CLCN4: variants seen among roughly 807,000 people sequenced by gnomAD.
CLCN4 encodes Cl-/H+ antiporter 4, also known as H(+)/Cl(-) exchange transporter 4.
A neutral mutation model predicts 41.7 loss-of-function variants in CLCN4; 1 was observed. The ratio of observed to expected loss-of-function variants is 0.02; its 90% CI spans 0.01 to 0.11. CLCN4 has a LOEUF of 0.11. Among genes scored for constraint, CLCN4 ranks in the 10% least tolerant of loss-of-function variants. The pLI, the probability that CLCN4 is intolerant of heterozygous loss-of-function variation, is 1.00. For missense variants in CLCN4, 287 were observed against 661.0 expected, an observed-to-expected ratio of 0.43 and a Z score of 6.20; for synonymous variants, 277 against 285.8, an observed-to-expected ratio of 0.97 and a Z score of 0.31.
In CLCN4 at chrX:10,208,353, C is replaced by T; in HGVS notation, c.1152C>T (p.Ala384=). The change falls in exon 9 of 13, where the codon GCC becomes GCT. Residue 384 remains alanine, a synonymous_variant. Transcript: ENST00000380833. ...TGACTGCCATCACTGCCATCATTGC[C>T]TACCCCAATCCCTACACACGCCAGA... ...IVVTAITAII[A]YPNPYTRQST... The T allele has an allele frequency of 8.3e-7, 1 of 1,211,285 alleles. No homozygotes were observed. The highest frequency in any genetic ancestry group is 1.1e-6 in the Non-Finnish European group (1 of 895,350).
In CLCN4 at chrX:10,214,009, C is replaced by A; in HGVS notation, c.1905C>A (p.Pro635=). The A allele has an allele frequency of 8.3e-7, 1 of 1,208,487 alleles. No individual in the cohort carries two copies. The highest frequency in any genetic ancestry group is 1.8e-5 in the South Asian group (1 of 56,283). The part of the protein sequence containing the change: ...LIKETDYNGF[P]VVVSRDSERL... ...AGGAGACCGACTACAACGGCTTCCC[C>A]GTGGTGGTCTCCAGAGACTCCGAGC... The change falls in exon 11 of 13, where the codon CCC becomes CCA. Residue 635 remains proline (P), a synonymous_variant. Coordinates refer to ENST00000380833, the MANE Select transcript of CLCN4 (RefSeq NM_001830.4).
intron 3 of CLCN4, among the ~76,000 whole-genome samples, chrX:10,186,780 G>C (rs1923824627): frequency 8.9e-6 from 1 of 111,992 alleles, no homozygotes; most frequent in Non-Finnish European, 1.9e-5. Flanking sequence ...CCTTGTTTTA[G>C]AAATAAAGTT....
chrX:10,186,560 G>A (rs4830702), intron 3 of CLCN4, among the ~76,000 whole-genome samples: 17,396 of 111,032 alleles, frequency 0.16, 1,797 homozygotes, highest in East Asian at 0.84. Context: ...CTTCAGACGA[G>A]GGTGAGGAGT....
intron 11 of CLCN4, 40 bp downstream of exon 11, chrX:10,214,119 G>A (rs765610650): frequency 1.8e-5 from 20 of 1,117,098 alleles, no homozygotes; most frequent in Middle Eastern, 5.0e-4. Context: ...ACCAAGAGCC[G>A]AATGGCATCC....
chrX:10,173,064 C>A (rs868212655), intron 2 of CLCN4, among the ~76,000 whole-genome samples: 1 of 111,169 alleles, frequency 9.0e-6, no homozygotes, highest in Non-Finnish European at 1.9e-5. Context: ...TGCAGCCTGG[C>A]GACATTCTTC....
Position 10,233,716 on chromosome X carries a change from G to A in CLCN4, c.*132G>A. On this transcript the variant is annotated 3_prime_UTR_variant, in exon 13 of 13. Coordinates refer to ENST00000380833, the MANE Select transcript of CLCN4 (RefSeq NM_001830.4). ...AACAAAAGCTTTTTTGGAAAGGCGG[G>A]GAAGAAGGATGAAACCTTTAAAAAC... is the stretch of plus-strand genomic sequence containing the variant. 1.9e-6 allele frequency: 1 copy of A among 516,021 alleles called. No homozygotes were observed. The highest frequency in any genetic ancestry group is 3.5e-5 in the South Asian group (1 of 28,784). The allele number at this position is 516,021 out of a possible 1,213,427, so 42.5% of individuals were successfully genotyped here. A position where few individuals can be genotyped will look rare whatever the true frequency, so the allele number is the denominator to read the frequency against.
chrX:10,188,637 G>A (rs1398092054), intron 4 of CLCN4, among the ~76,000 whole-genome samples: 2 of 112,467 alleles, frequency 1.8e-5, no homozygotes, highest in African/African-American at 6.5e-5. Flanking sequence ...TTGGCATGAC[G>A]AAGAGGTTTC....
chrX:10,161,159 CTCTG>C (rs1171660807), intron 2 of CLCN4, among the ~76,000 whole-genome samples: 2 of 105,367 alleles, frequency 1.9e-5, no homozygotes, highest in Non-Finnish European at 4.0e-5. Flanking sequence ...CTCTCTCTCT[CTCTG>C]TCTGTCTCAT....
intron 9 of CLCN4, among the ~76,000 whole-genome samples, chrX:10,209,562 T>C (rs999885465): frequency 1.8e-5 from 2 of 109,676 alleles, no homozygotes; most frequent in Non-Finnish European, 3.8e-5. Context: ...AGGCTCTTGC[T>C]GTGTTGCCCT....
chrX:10,179,236 G>T (rs6640615), intron 2 of CLCN4, among the ~76,000 whole-genome samples: 16,447 of 110,895 alleles, frequency 0.15, 1,675 homozygotes, highest in East Asian at 0.83. Flanking sequence ...CCCTGCGAGG[G>T]TGAAAGGGGC....
chrX:10,173,075 A>C (rs1602139852), intron 2 of CLCN4, among the ~76,000 whole-genome samples: 1 of 111,245 alleles, frequency 9.0e-6, no homozygotes, highest in South Asian at 3.8e-4. Flanking sequence ...GACATTCTTC[A>C]AAGGCAACTA....
In CLCN4 at chrX:10,208,472, G is replaced by A; in HGVS notation, c.1271G>A (p.Arg424Gln). 1.7e-6 allele frequency: 2 copies of A among 1,211,339 alleles called. No individual in the cohort carries two copies. The highest frequency in any genetic ancestry group is 3.0e-5 in the East Asian group (1 of 33,820). Residue 424 changes from arginine (R) to glutamine (Q), a missense_variant, in exon 9 of 13, where the codon CGG becomes CAG. Physicochemically the swap from Arg to Gln is conservative, Grantham distance 43. Transcript: ENST00000380833. ...CDYINDPNMT[R>Q]PVDDIPDRPA... ...TACATCAATGACCCCAACATGACTC[G>A]GCCTGTGGATGACATTCCAGACCGG...
intron 3 of CLCN4, among the ~76,000 whole-genome samples, chrX:10,186,665 G>C (rs979011751): frequency 5.5e-4 from 62 of 111,897 alleles, no homozygotes; most frequent in African/African-American, 2.0e-3. Flanking sequence ...TCATGAAGAT[G>C]TTGCAGCCTC....
At chrX:10,198,884 C>T (rs11095528) in intron 6 of CLCN4, among the ~76,000 whole-genome samples, 31,774 of 111,440 alleles carry the variant, frequency 0.29, 3,643 homozygotes, top group African/African-American at 0.43. Flanking sequence ...CTTAGCGATG[C>T]ACACAGGCAG....
intron 11 of CLCN4, among the ~76,000 whole-genome samples, chrX:10,219,071 G>A (rs1198086420): frequency 8.9e-6 from 1 of 112,971 alleles, no homozygotes; most frequent in Non-Finnish European, 1.9e-5. Flanking sequence ...AGTTCATTGA[G>A]CTAGTGGCTG....
chrX:10,216,222 A>G (rs1306519478), intron 11 of CLCN4, among the ~76,000 whole-genome samples: 3 of 112,453 alleles, frequency 2.7e-5, no homozygotes. Flanking sequence ...CTTACATATC[A>G]TGTTTAAAAA....
chrX:10,203,248 A>G, intron 6 of CLCN4, among the ~76,000 whole-genome samples: 1 of 111,902 alleles, frequency 8.9e-6, no homozygotes, highest in Non-Finnish European at 1.9e-5. Flanking sequence ...ATTTGAGGCA[A>G]CACAAAAGGG....
Position 10,237,308 on chromosome X carries a change from A to G in CLCN4, c.*3724A>G, listed in dbSNP as rs1404289145. ...TATTGAATTACCACATAATTGTAAT[A>G]TTATGCTTTAATTTTGTATGGGCAG... On this transcript the variant is annotated 3_prime_UTR_variant, in exon 13 of 13. Transcript: ENST00000380833. 1 of 112,434 alleles carries G rather than the reference A, an allele frequency of 8.9e-6. No individual in the cohort carries two copies. The highest frequency in any genetic ancestry group is 2.8e-4 in the East Asian group (1 of 3,601). The allele number at this position is 112,434 out of a possible 1,213,427, so 9.3% of individuals were successfully genotyped here.
chrX:10,208,456 G>T lies in CLCN4; in HGVS notation c.1255G>T (p.Asp419Tyr). The change falls in exon 9 of 13, where the codon GAC becomes TAC. Residue 419 changes from aspartate (D) to tyrosine (Y), a missense_variant. Physicochemically the swap from Asp to Tyr is radical, Grantham distance 160. Coordinates refer to ENST00000380833, the MANE Select transcript of CLCN4 (RefSeq NM_001830.4). ...ESSQLCDYIN[D>Y]PNMTRPVDDI... ...TTCCCAGCTCTGTGACTACATCAAT[G>T]ACCCCAACATGACTCGGCCTGTGGA... The T allele has an allele frequency of 8.3e-7, 1 of 1,211,435 alleles. No individual in the cohort carries two copies. Among genetic ancestry groups the T allele is most frequent in the Non-Finnish European group, 1.1e-6 (1 of 895,473 alleles).
Sources: gnomAD v4.1 joint callset for allele counts (sites outside exome capture counted in the v4.1 genomes callset) on GRCh38, gnomAD v4.1.1 for gene constraint, MANE v1.5 for transcripts, NCBI Gene and HGNC (gene_info 2026-07-23, HGNC 2026-07-21) for gene names.